STK3: variants seen among roughly 807,000 people sequenced by gnomAD.
STK3 encodes serine/threonine-protein kinase 3.
Under a neutral mutation model 58.0 loss-of-function variants are expected in STK3, and 41 were observed. The observed-to-expected ratio is 0.71, with a 90% CI of 0.55 to 0.92. The LOEUF (loss-of-function observed/expected upper bound fraction) is 0.92, where lower values mean the gene tolerates loss of function less well. Ranked by LOEUF, STK3 falls within the 40% of genes least tolerant of loss-of-function variation. The pLI is 0.00. For synonymous variants in STK3, 170 were observed against 191.0 expected, an observed-to-expected ratio of 0.89 and a Z score of 0.91; for missense variants, 479 against 602.7, an observed-to-expected ratio of 0.79 and a Z score of 2.15.
At chr8:98,737,053 A>G (rs1163483203) in intron 4 of STK3, among the ~76,000 whole-genome samples, 1 of 152,212 alleles carries the variant, frequency 6.6e-6, no homozygotes, top group Non-Finnish European at 1.5e-5. Flanking sequence ...TTGAGCACCA[A>G]TCCAACCTTG....
chr8:98,595,769 G>GAA, intron 7 of STK3: 93 of 292,486 alleles, frequency 3.2e-4, no homozygotes, highest in Middle Eastern at 2.0e-3. Context: ...AGGAACAGAA[G>GAA]AAAAAAAAAA....
intron 6 of STK3, among the ~76,000 whole-genome samples, chr8:98,657,564 C>T (rs1215734614): frequency 6.6e-6 from 1 of 151,992 alleles, no homozygotes; most frequent in East Asian, 1.9e-4. Flanking sequence ...GATATAAATA[C>T]ATTAAAATAT....
chr8:98,614,466 C>T (rs372197663), intron 6 of STK3, among the ~76,000 whole-genome samples: 183 of 152,176 alleles, frequency 1.2e-3, no homozygotes, highest in African/African-American at 4.1e-3. Context: ...CCAAGATGGC[C>T]GAATAGGAAC....
chr8:98,848,600 T>A (rs745542109), intron 3 of STK3, among the ~76,000 whole-genome samples: 1 of 152,220 alleles, frequency 6.6e-6, no homozygotes, highest in African/African-American at 2.4e-5. Flanking sequence ...TGGAATCATA[T>A]AAAATGTGGT....
At chr8:98,838,554 A>G (rs1835837373) in intron 3 of STK3, among the ~76,000 whole-genome samples, 1 of 152,232 alleles carries the variant, frequency 6.6e-6, no homozygotes, top group Admixed American at 6.5e-5. Flanking sequence ...GTAGATGCTT[A>G]GTAGACAGAG....
chr8:98,808,389 T>C (rs1299751208), intron 1 of STK3, among the ~76,000 whole-genome samples: 1 of 152,220 alleles, frequency 6.6e-6, no homozygotes, highest in African/African-American at 2.4e-5. Context: ...TTGGTCCTCT[T>C]TCTTTATTTT....
At chr8:98,434,345 CAGGGGGTATTTT>C (rs1818410082) in intron 2 of STK3, 1 of 152,212 alleles carries the variant, frequency 6.6e-6, no homozygotes, top group African/African-American at 2.4e-5. Context: ...AATGGATATT[CAGGGGGTATTTT>C]AGGGCCAGGA....
intron 1 of STK3, among the ~76,000 whole-genome samples, chr8:98,808,140 T>C (rs1394502310): frequency 6.6e-6 from 1 of 152,192 alleles, no homozygotes; most frequent in African/African-American, 2.4e-5. Context: ...CAAATGAAAT[T>C]AAGATGAAAG....
chr8:98,767,214 G>T (rs1831006110), intron 3 of STK3, 29 bp downstream of exon 3: 1 of 1,557,948 alleles, frequency 6.4e-7, no homozygotes, highest in East Asian at 2.3e-5. Context: ...CAAAACAAGG[G>T]TAAGCAAAGA....
chr8:98,919,919 C>A (rs951423057), intron 1 of STK3, among the ~76,000 whole-genome samples: 1 of 152,116 alleles, frequency 6.6e-6, no homozygotes, highest in Non-Finnish European at 1.5e-5. Flanking sequence ...GAGGAAGGAG[C>A]CTTTTGTCCC....
chr8:98,693,241 T>A (rs530544458), intron 6 of STK3, among the ~76,000 whole-genome samples: 1 of 151,514 alleles, frequency 6.6e-6, no homozygotes, highest in South Asian at 2.1e-4. Flanking sequence ...ACAAAAAAAA[T>A]ATAAGATTTA....
chr8:98,648,699 C>T (rs1453930433), intron 6 of STK3, among the ~76,000 whole-genome samples: 1 of 152,110 alleles, frequency 6.6e-6, no homozygotes, highest in Non-Finnish European at 1.5e-5. Context: ...TCAAGCCAGT[C>T]TGGCCAATAT....
At chr8:98,364,137 G>T in the STK3 span, among the ~76,000 whole-genome samples, 1 of 152,176 alleles carries the variant, frequency 6.6e-6, no homozygotes, top group Non-Finnish European at 1.5e-5. Flanking sequence ...TCTCCAGACA[G>T]CCTGGAGCCT....
At chr8:98,476,263 T>A (rs1821302625) in intron 10 of STK3, among the ~76,000 whole-genome samples, 1 of 152,212 alleles carries the variant, frequency 6.6e-6, no homozygotes, top group African/African-American at 2.4e-5. Flanking sequence ...ATATGAAATC[T>A]TGGGAGCAAC....
At chr8:98,732,679 G>A (rs145745593) in intron 4 of STK3, among the ~76,000 whole-genome samples, 32 of 152,020 alleles carry the variant, frequency 2.1e-4, no homozygotes, top group Non-Finnish European at 3.7e-4. Context: ...TAACCCAAGA[G>A]TCAAGTGAAA....
intron 3 of STK3, among the ~76,000 whole-genome samples, chr8:98,750,233 GA>G (rs1563961799): frequency 6.6e-6 from 1 of 151,932 alleles, no homozygotes; most frequent in Non-Finnish European, 1.5e-5. Flanking sequence ...GATTTTGAAA[GA>G]AAAGTTTAAA....
At chr8:98,822,055 CACACACACACAT>C (rs146459621) in intron 1 of STK3, among the ~76,000 whole-genome samples, 4,431 of 150,690 alleles carry the variant, frequency 0.029, 97 homozygotes, top group South Asian at 0.064. Flanking sequence ...CACATACATA[CACACACACACAT>C]ACACACACAC....
intron 1 of STK3, among the ~76,000 whole-genome samples, chr8:98,894,164 C>G (rs1838364236): frequency 6.6e-6 from 1 of 152,112 alleles, no homozygotes; most frequent in Admixed American, 6.5e-5. Context: ...TTTTTCCTCT[C>G]TCTTCTTTCC....
intron 7 of STK3, among the ~76,000 whole-genome samples, chr8:98,594,140 C>G (rs1220894391): frequency 6.6e-6 from 1 of 152,146 alleles, no homozygotes; most frequent in East Asian, 1.9e-4. Context: ...AATCCTGTCT[C>G]TACGAAACAG....
Sources: allele counts gnomAD v4.1 joint callset (sites outside exome capture counted in the v4.1 genomes callset), GRCh38; gene constraint gnomAD v4.1.1; transcripts MANE v1.5; gene names NCBI Gene and HGNC (gene_info 2026-07-23, HGNC 2026-07-21).